ARHGAP45: variants seen among roughly 807,000 people sequenced by gnomAD.
ARHGAP45 encodes rho GTPase-activating protein 45.
In ARHGAP45, 56 loss-of-function variants were observed where a neutral mutation model predicts 116.1. The ratio of observed to expected loss-of-function variants is 0.48; its 90% CI spans 0.39 to 0.60. The LOEUF is 0.60. Ranked by LOEUF, ARHGAP45 falls within the 20% of genes least tolerant of loss-of-function variation. The pLI, the probability that ARHGAP45 is intolerant of heterozygous loss-of-function variation, is 0.00. For missense variants in ARHGAP45, 1,622 were observed against 1,601.0 expected (o/e 1.01, Z -0.22); for synonymous variants, 866 against 701.7 (o/e 1.23, Z -3.70).
chr19:1,081,590 C>A lies in ARHGAP45; in HGVS notation c.2231C>A (p.Ala744Asp). The stretch of plus-strand genomic sequence containing the variant: ...CACAAGAAATGTCTGGAGACGCTGG[C>A]CATACAGTGCGGGCACAAGAAGCTG... ...ACHKKCLETLAIQCGHKKLQG... is the reference protein window; with the variant it reads ...ACHKKCLETLDIQCGHKKLQG... Residue 744 changes from alanine (A) to aspartate (D), a missense_variant, in exon 18 of 23, where the codon GCC (alanine) becomes GAC (aspartate). By Grantham distance (126) the Ala-to-Asp change is moderately radical (BLOSUM62 -2). This residue lies in a region of ARHGAP45 where 1,334 missense variants were observed against 1,263.8 expected (regional missense o/e 1.06). Transcript: ENST00000313093. 1 of 1,518,208 alleles carries A rather than the reference C, an allele frequency of 6.6e-7. No homozygotes were observed. The allele number at this position is 1,518,208 out of a possible 1,614,324, so 94.0% of individuals were successfully genotyped here. A position where few individuals can be genotyped will look rare whatever the true frequency, so the allele number is the denominator to read the frequency against.
rs147127940 is a variant in ARHGAP45 at position 1,080,041 on chromosome 19, C to T, written c.1626C>T (p.Ser542=). 110 of 1,612,848 alleles carry T rather than the reference C, an allele frequency of 6.8e-5. No homozygotes were observed. The highest frequency in any genetic ancestry group is 7.5e-5 in the Non-Finnish European group (89 of 1,179,918). Residue 542 remains serine (S), a synonymous_variant, in exon 13 of 23, where the codon TCC becomes TCT. Coordinates refer to ENST00000313093, the MANE Select transcript of ARHGAP45 (RefSeq NM_012292.5). ...ATGACCCAGGCCAGCAGTACGCCTC[C>T]CACGTGCGCCAGCTGCAGCGGGACC... The part of the protein sequence containing the change: ...KLYDPGQQYA[S]HVRQLQRDQE...
intron 1 of ARHGAP45, 126 bp downstream of exon 1, chr19:1,067,621 GCGGGACGGCAGGGGCCACAGCAGAGAGGC>G: frequency 2.1e-6 from 2 of 951,588 alleles, no homozygotes; most frequent in Non-Finnish European, 3.3e-6. Context: ...CCCCTACCGG[GCGGGACGGCAGGGGCCACAGCAGAGAGGC>G]CGGGACCCCG....
Position 1,074,650 on chromosome 19 carries a change from C to G in ARHGAP45, c.1030C>G (p.Leu344Val). The G allele has an allele frequency of 6.2e-7, 1 of 1,609,332 alleles. No individual in the cohort carries two copies. The highest frequency in any genetic ancestry group is 8.5e-7 in the Non-Finnish European group (1 of 1,178,610). The change falls in exon 9 of 23, where the codon CTG becomes GTG. Residue 344 changes from leucine to valine, a missense_variant. Physicochemically the swap from Leu to Val is conservative, Grantham distance 32. Coordinates refer to ENST00000313093, the MANE Select transcript of ARHGAP45 (RefSeq NM_012292.5). ...GCTCCTGTCCATCTACTCGCTGGCCCTGGAGCAGGACCTGGAGTTCGGCCA... is the reference window on the plus strand; with the variant it reads ...GCTCCTGTCCATCTACTCGCTGGCCGTGGAGCAGGACCTGGAGTTCGGCCA... ...MPLLSIYSLA[L>V]EQDLEFGHSM...
In ARHGAP45 at chr19:1,068,507, C is replaced by T. The variant is rs911343550; in HGVS notation, c.184C>T (p.Leu62Phe). 1.1e-5 allele frequency: 18 copies of T among 1,598,932 alleles called. No homozygotes were observed. The Middle Eastern group carries it at 5.4e-4, about 48-fold the overall frequency. Residue 62 changes from leucine (L) to phenylalanine (F), a missense_variant, in exon 2 of 23, where the codon CTC becomes TTC. Physicochemically the swap from Leu to Phe is conservative, Grantham distance 22 (BLOSUM62 0). Coordinates refer to ENST00000313093, the MANE Select transcript of ARHGAP45 (RefSeq NM_012292.5). The surrounding 1 kb of genome is among the most constrained non-coding windows in gnomAD (Gnocchi z 7.5). ...CTCCGGCGTCAAGGCCACAGGGACC[C>T]TCAAGCGGCCCACCAGCCTGAGCCG... ...GSSGVKATGT[L>F]KRPTSLSRHA...
chr19:1,082,736 T>C, intron 19 of ARHGAP45, 104 bp from the exon 20 acceptor site: 2 of 950,676 alleles, frequency 2.1e-6, no homozygotes, highest in East Asian at 3.0e-5. Context: ...CGGTGGGGTG[T>C]GGCCAGTGCT....
intron 15 of ARHGAP45, 57 bp from the exon 16 acceptor site, chr19:1,080,625 G>A (rs371454377): frequency 1.2e-6 from 2 of 1,605,820 alleles, no homozygotes; most frequent in East Asian, 2.2e-5. Flanking sequence ...ACCCACCGGG[G>A]TGATGGAGGG....
At chr19:1,081,428 T>G in intron 17 of ARHGAP45, 122 bp from the exon 18 acceptor site, 5 of 1,018,150 alleles carry the variant, frequency 4.9e-6, no homozygotes, top group Non-Finnish European at 6.9e-6. Flanking sequence ...CTGTCCAGCT[T>G]GTGTTTGCAG....
Position 1,067,459 on chromosome 19 carries a change from G to C in ARHGAP45, c.54G>C (p.Lys18Asn), listed in dbSNP as rs935946897. The part of the protein sequence containing the change: ...ELMKTPSISK[K>N]NRAGSPSPQP... ...TGAAAACCCCTTCCATCTCGAAAAA[G>C]AACCGCGCGGGAAGCCCCAGCCCGC... Residue 18 changes from lysine to asparagine, a missense_variant, in exon 1 of 23, where the codon AAG (lysine) becomes AAC (asparagine). Lys to Asn is a moderately conservative substitution (Grantham distance 94, BLOSUM62 0). Transcript: ENST00000313093. 3 of 1,605,366 alleles carry C rather than the reference G, an allele frequency of 1.9e-6. No homozygotes were observed. The highest frequency in any genetic ancestry group is 2.7e-5 in the African/African-American group (2 of 74,610).
intron 11 of ARHGAP45, among the ~76,000 whole-genome samples, chr19:1,078,298 C>T (rs35140707): frequency 0.062 from 9,352 of 151,430 alleles, 396 homozygotes; most frequent in Non-Finnish European, 0.093. Context: ...CGCCCGCCAC[C>T]ACGCCTGGCT....
At chr19:1,078,828 C>T (rs955840946) in intron 11 of ARHGAP45, among the ~76,000 whole-genome samples, 5 of 151,728 alleles carry the variant, frequency 3.3e-5, no homozygotes, top group Admixed American at 1.3e-4. Flanking sequence ...GCAATCTTCT[C>T]GCCTCAGCCT....
chr19:1,067,783 G>A (rs1473525922), intron 1 of ARHGAP45: 2 of 632,836 alleles, frequency 3.2e-6, no homozygotes, highest in Non-Finnish European at 5.7e-6. Flanking sequence ...GTTGTGTTTG[G>A]GCCGCTGCAG....
At chr19:1,074,907 G>A (rs2043211090) in intron 10 of ARHGAP45, 28 bp downstream of exon 10, 5 of 1,226,176 alleles carry the variant, frequency 4.1e-6, no homozygotes, top group Non-Finnish European at 5.7e-6. Flanking sequence ...GGGCGGGCGG[G>A]GGCGGGCAGC....
Position 1,080,312 on chromosome 19 carries a change from G to T in ARHGAP45, c.1761G>T (p.Pro587=), listed in dbSNP as rs2074454. The T allele has an allele frequency of 1.9e-6, 3 of 1,611,542 alleles. No individual in the cohort carries two copies. Among genetic ancestry groups the T allele is most frequent in the African/African-American group, 2.7e-5 (2 of 74,846 alleles). ...TCAACGTGAGTGATGTGGCGCGGCC[G>T]GAGGCTGCCGGGAGCCCCCCAGAAG... ...SSFNVSDVAR[P]EAAGSPPEEG... is the part of the protein sequence containing the mutation. The change falls in exon 14 of 23, where the codon CCG becomes CCT. Residue 587 remains proline (P), a synonymous_variant. Coordinates refer to ENST00000313093, the MANE Select transcript of ARHGAP45 (RefSeq NM_012292.5).
At chr19:1,085,527 T>C (rs2043590317) in intron 22 of ARHGAP45, 133 bp from the exon 23 acceptor site, 1 of 634,028 alleles carries the variant, frequency 1.6e-6, no homozygotes, top group Non-Finnish European at 2.7e-6. Flanking sequence ...CTCCTGTCTC[T>C]CCCCATCTCT....
intron 21 of ARHGAP45, 44 bp downstream of exon 21, chr19:1,083,397 G>C: frequency 2.0e-6 from 3 of 1,478,858 alleles, no homozygotes; most frequent in Non-Finnish European, 2.7e-6. Flanking sequence ...CGGGGCTTGG[G>C]GAGCAGGGGG....
At position 1,081,710 on chromosome 19, in the gene ARHGAP45, AGATC is replaced by A; in HGVS notation, c.2354_2357del (p.Ile785SerfsTer16). The A allele has an allele frequency of 6.3e-7, 1 of 1,586,892 alleles. No homozygotes were observed. The highest frequency in any genetic ancestry group is 8.6e-7 in the Non-Finnish European group (1 of 1,165,930). ...TTCATCGTCAAGAAGTGCGTCTGCG[AGATC>A]GAGCGGCGGGCGCTGCGCACCAAGG... On this transcript the variant is annotated frameshift_variant, in exon 18 of 23. Coordinates refer to ENST00000313093, the MANE Select transcript of ARHGAP45 (RefSeq NM_012292.5). LOFTEE classifies it high-confidence loss of function.
chr19:1,083,231 G>A lies in ARHGAP45; in HGVS notation c.2833G>A (p.Glu945Lys), dbSNP rs904436394. 2.4e-5 allele frequency: 38 copies of A among 1,607,770 alleles called. No individual in the cohort carries two copies. The highest frequency in any genetic ancestry group is 3.3e-5 in the South Asian group (3 of 89,826). ...CACGCTGCTTCGGCCACGGCCCACCGAGGCCACCGTGTCCCTCTCCTCCCT... is the reference window on the plus strand; with the variant it reads ...CACGCTGCTTCGGCCACGGCCCACCAAGGCCACCGTGTCCCTCTCCTCCCT... ...GPTLLRPRPTEATVSLSSLVD... is the reference protein window; with the variant it reads ...GPTLLRPRPTKATVSLSSLVD... The change falls in exon 21 of 23, where the codon GAG becomes AAG. Residue 945 changes from glutamate to lysine, a missense_variant. Around this residue, in one of 3 missense-constraint regions of ARHGAP45, gnomAD observed 1,334 missense variants for 1,263.8 expected, o/e 1.06. Coordinates refer to ENST00000313093, the MANE Select transcript of ARHGAP45 (RefSeq NM_012292.5).
rs569415740 is a variant in ARHGAP45, at chr19:1,086,067, C to G, written c.*61C>G. The G allele has an allele frequency of 7.0e-6, 10 of 1,438,250 alleles. No homozygotes were observed. The highest frequency in any genetic ancestry group is 1.2e-5 in the South Asian group (1 of 80,708). The allele number at this position is 1,438,250 out of a possible 1,614,324, so 89.1% of individuals were successfully genotyped here. A position where few individuals can be genotyped will look rare whatever the true frequency, so the allele number is the denominator to read the frequency against. On this transcript the variant is annotated 3_prime_UTR_variant, in exon 23 of 23. Coordinates refer to ENST00000313093, the MANE Select transcript of ARHGAP45 (RefSeq NM_012292.5). The stretch of plus-strand genomic sequence containing the variant: ...CTTGCCTGCTCCTGTCCCTCCAGCA[C>G]GTCCCCTGCACCACGGCATAGCTTA...
Position 1,086,018 on chromosome 19 carries a change from G to C in ARHGAP45, c.*12G>C, listed in dbSNP as rs878877687. 6.2e-7 allele frequency: 1 copy of C among 1,604,058 alleles called. No homozygotes were observed. Among genetic ancestry groups the C allele is most frequent in the East Asian group, 2.2e-5 (1 of 44,782 alleles). Reference sequence around the variant, plus strand: ...CGGAATTCGTGTGAGCTGGGGTGGGGCTGGGACCACAGGTGGCTTCTCTCT... The same window carrying C: ...CGGAATTCGTGTGAGCTGGGGTGGGCCTGGGACCACAGGTGGCTTCTCTCT... On this transcript the variant is annotated 3_prime_UTR_variant, in exon 23 of 23. Transcript: ENST00000313093.
Sources: gnomAD v4.1 joint callset for allele counts (sites outside exome capture counted in the v4.1 genomes callset) on GRCh38, gnomAD v4.1.1 for gene constraint, gnomAD v4.1.1 regional missense constraint, Gnocchi (gnomAD v3.1) non-coding constraint, MANE v1.5 for transcripts, NCBI Gene and HGNC (gene_info 2026-07-23, HGNC 2026-07-21) for gene names.